Variants in PLPP1 observed in about 807,000 individuals in gnomAD.
PLPP1 encodes phospholipid phosphatase 1, also known as lipid phosphate phosphohydrolase 1a.
PLPP1 carries 24 observed loss-of-function variants against 31.2 expected under a neutral mutation model. The observed-to-expected ratio is 0.77, with a 90% confidence interval of 0.56 to 1.08. The LOEUF (loss-of-function observed/expected upper bound fraction) is 1.08. Among genes scored for constraint, PLPP1 ranks in the 50% least tolerant of loss-of-function variants. The probability of loss-of-function intolerance (pLI) is 0.00; values close to 1 mark genes in which losing one functional copy is unlikely to be tolerated. For missense variants in PLPP1, 319 were observed against 342.7 expected (o/e 0.93, Z 0.55); for synonymous variants, 146 against 126.3 (o/e 1.16, Z -1.05).
At chr5:55,447,657 C>G (rs1036554576) in intron 3 of PLPP1, among the ~76,000 whole-genome samples, 5 of 152,174 alleles carry the variant, frequency 3.3e-5, no homozygotes, top group Admixed American at 1.3e-4. Context: ...CAATGGTAGA[C>G]AGACAAAGAG....
At chr5:55,525,384 G>A (rs541477314) in intron 1 of PLPP1, among the ~76,000 whole-genome samples, 4 of 152,330 alleles carry the variant, frequency 2.6e-5, no homozygotes, top group South Asian at 2.1e-4. Context: ...CAATGGAGGA[G>A]CTAAAATTTG....
chr5:55,490,812 T>G, intron 1 of PLPP1: 1 of 859,416 alleles, frequency 1.2e-6, no homozygotes, highest in Non-Finnish European at 1.7e-6. Flanking sequence ...GCCTCTGGAC[T>G]AAAACAGTGG....
intron 1 of PLPP1, among the ~76,000 whole-genome samples, chr5:55,529,254 T>C (rs1287761161): frequency 2.0e-5 from 2 of 97,764 alleles, no homozygotes; most frequent in Non-Finnish European, 4.2e-5. Context: ...CATACGTGTA[T>C]ATATACACAC....
chr5:55,490,947 T>C lies in PLPP1; in HGVS notation c.59-15497A>G, dbSNP rs888946860. The C allele has an allele frequency of 1.9e-6, 3 of 1,602,772 alleles. No homozygotes were observed. The Admixed American group carries it at 5.1e-5, about 27-fold the overall frequency. On this transcript the variant is annotated intron_variant, in intron 1 of 5. Transcript: ENST00000307259. Reference sequence around the variant, plus strand: ...CAACAAACCCATCACTACCTACTTATTAATTTACTTACAGAGGAAATGGGC... The same window carrying C: ...CAACAAACCCATCACTACCTACTTACTAATTTACTTACAGAGGAAATGGGC...
At chr5:55,502,254 C>T (rs942065099) in intron 1 of PLPP1, among the ~76,000 whole-genome samples, 15 of 152,018 alleles carry the variant, frequency 9.9e-5, no homozygotes, top group African/African-American at 2.2e-4. Flanking sequence ...TTAGGGAGGC[C>T]GAAGCAGGCA....
At chr5:55,493,533 A>G (rs893078462) in intron 1 of PLPP1, among the ~76,000 whole-genome samples, 1 of 151,962 alleles carries the variant, frequency 6.6e-6, no homozygotes, top group African/African-American at 2.4e-5. Context: ...ACTTGAGGCC[A>G]GAAGTTCAAG....
intron 1 of PLPP1, among the ~76,000 whole-genome samples, chr5:55,493,775 A>C (rs1156764799): frequency 6.6e-6 from 1 of 151,536 alleles, no homozygotes; most frequent in Admixed American, 6.6e-5. Flanking sequence ...AACTACTTGG[A>C]AGGCTGAGGC....
At chr5:55,425,650 A>G in intron 5 of PLPP1, 1 of 490,640 alleles carries the variant, frequency 2.0e-6, no homozygotes, top group Non-Finnish European at 3.4e-6. Flanking sequence ...TTCACAATAA[A>G]AATACTAAGA....
chr5:55,445,893 G>T (rs1251872739), intron 3 of PLPP1, among the ~76,000 whole-genome samples: 1 of 151,966 alleles, frequency 6.6e-6, no homozygotes, highest in Non-Finnish European at 1.5e-5. Flanking sequence ...ATTCTAAATT[G>T]ATGACTTTTT....
Position 55,436,227 on chromosome 5 carries a change from G to T in PLPP1, c.549+5624C>A, listed in dbSNP as rs112960242. Among the ~76,000 whole-genome samples, 893 of 152,200 alleles carry T rather than the reference G, an allele frequency of 5.9e-3. 8 individuals carry two copies. The highest frequency in any genetic ancestry group is 0.021 in the African/African-American group (860 of 41,530). ...GAGAAGCACAGAGGCCTTCCTCCCA[G>T]TCCCAAATGATATGGCTTGGCTGTG... On this transcript the variant is annotated intron_variant, in intron 4 of 5. Coordinates refer to ENST00000307259, the MANE Select transcript of PLPP1 (RefSeq NM_003711.4).
intron 4 of PLPP1, among the ~76,000 whole-genome samples, chr5:55,427,136 A>G (rs1444930680): frequency 6.6e-6 from 1 of 152,200 alleles, no homozygotes; most frequent in African/African-American, 2.4e-5. Context: ...CAATAACAAT[A>G]TAATTTATAA....
At chr5:55,455,955 T>G (rs1158734085) in intron 3 of PLPP1, among the ~76,000 whole-genome samples, 2 of 152,196 alleles carry the variant, frequency 1.3e-5, no homozygotes, top group Non-Finnish European at 2.9e-5. Context: ...AAAGAGAATC[T>G]TGGCCTGGGA....
At position 55,479,059 on chromosome 5, in the gene PLPP1, T is replaced by C. The variant is rs1010117017; in HGVS notation, c.59-3609A>G. 2.6e-5 allele frequency among the ~76,000 whole-genome samples: 4 copies of C among 151,498 alleles called. No homozygotes were observed. In the South Asian group the frequency reaches 8.4e-4, roughly 32 times the overall value. ...TTTTTTTTGAGACAGAGTTTCACTGTTGCTGCCCAGGCTGGAGTGCAATGG... is the reference window on the plus strand; with the variant it reads ...TTTTTTTTGAGACAGAGTTTCACTGCTGCTGCCCAGGCTGGAGTGCAATGG... On this transcript the variant is annotated intron_variant, in intron 1 of 5. Transcript: ENST00000307259.
At chr5:55,492,048 T>TG (rs1333235627) in intron 1 of PLPP1, among the ~76,000 whole-genome samples, 1 of 4,358 alleles carries the variant, frequency 2.3e-4, no homozygotes, top group Admixed American at 5.2e-3. Context: ...ACCAAAATAA[T>TG]TTCAGTTGAA....
intron 4 of PLPP1, among the ~76,000 whole-genome samples, chr5:55,428,429 A>G (rs1358577121): frequency 6.6e-6 from 1 of 152,230 alleles, no homozygotes; most frequent in African/African-American, 2.4e-5. Context: ...GACCTTGGGT[A>G]AACTTGAATT....
rs369555146 is a variant in PLPP1 at position 55,454,760 on chromosome 5, C to T, written c.492-12852G>A. ...CATTTCATATGTTGCTATTCCTACA[C>T]AGGTATATGATTTAAAAAGCTGTCT... On this transcript the variant is annotated intron_variant, in intron 3 of 5. Transcript: ENST00000307259. Among the ~76,000 whole-genome samples, 11 of 150,638 alleles carry T rather than the reference C, an allele frequency of 7.3e-5. No individual in the cohort carries two copies. In the East Asian group the frequency reaches 2.1e-3, roughly 29 times the overall value.
At chr5:55,446,563 C>T (rs980171594) in intron 3 of PLPP1, among the ~76,000 whole-genome samples, 3 of 152,050 alleles carry the variant, frequency 2.0e-5, no homozygotes, top group Non-Finnish European at 2.9e-5. Flanking sequence ...AGCTTGTTTC[C>T]ACATAGGTCC....
At chr5:55,438,751 A>C (rs1026326020) in intron 4 of PLPP1, among the ~76,000 whole-genome samples, 30 of 152,120 alleles carry the variant, frequency 2.0e-4, no homozygotes, top group Non-Finnish European at 4.0e-4. Flanking sequence ...GATACAAAAA[A>C]TTAGCCGGGC....
chr5:55,435,723 C>A (rs1305156033), intron 4 of PLPP1, among the ~76,000 whole-genome samples: 1 of 152,124 alleles, frequency 6.6e-6, no homozygotes, highest in African/African-American at 2.4e-5. Context: ...ACATCATATT[C>A]TTCGCCTGAC....
Sources: gnomAD v4.1 joint callset for allele counts (sites outside exome capture counted in the v4.1 genomes callset) on GRCh38, gnomAD v4.1.1 for gene constraint, MANE v1.5 for transcripts, NCBI Gene and HGNC (gene_info 2026-07-23, HGNC 2026-07-21) for gene names.